The following ADAMTS13 variants were observed in gnomAD, a reference collection of about 807,000 sequenced individuals.
The protein encoded by ADAMTS13 is ADAM metallopeptidase with thrombospondin type 1 motif 13.
A neutral mutation model predicts 155.1 loss-of-function variants in ADAMTS13; 110 were observed. The observed-to-expected ratio is 0.71, with a 90% confidence interval of 0.61 to 0.83. The LOEUF is 0.83. ADAMTS13 is among the 40% of genes least tolerant of loss of function. The probability of loss-of-function intolerance (pLI) is 0.00; values close to 1 mark genes in which losing one functional copy is unlikely to be tolerated. For synonymous variants in ADAMTS13, 758 were observed against 756.4 expected (o/e 1.00, Z -0.03); for missense variants, 1,707 against 1,891.7 (o/e 0.90, Z 1.81).
At chr9:133,443,332 CCTGGGACCTGGCCAGG>C (rs962951546) in intron 18 of ADAMTS13, 28 bp from the exon 19 acceptor site, 1 of 1,563,044 alleles carries the variant, frequency 6.4e-7, no homozygotes, top group African/African-American at 1.3e-5. Context: ...CCCAGGCCAG[CCTGGGACCTGGCCAGG>C]GTCCCGACGC....
At chr9:133,420,729 T>C (rs1588147388), upstream of ADAMTS13, among the ~76,000 whole-genome samples, 1 of 152,146 alleles carries the variant, frequency 6.6e-6, no homozygotes, top group South Asian at 2.1e-4. Flanking sequence ...GGCTGCTAGG[T>C]CCTACTTTGA....
At chr9:133,446,408 AC>A (rs1232951615) in intron 21 of ADAMTS13, among the ~76,000 whole-genome samples, 1 of 152,044 alleles carries the variant, frequency 6.6e-6, no homozygotes, top group Non-Finnish European at 1.5e-5. Context: ...AATTCTAGGG[AC>A]CTTGTAGAAG....
At chr9:133,428,512 A>G (rs1840433595) in intron 6 of ADAMTS13, 122 bp from the exon 7 acceptor site, 2 of 560,738 alleles carry the variant, frequency 3.6e-6, no homozygotes, top group African/African-American at 2.0e-5. Flanking sequence ...CCCGGGTCGG[A>G]AAACTCGCTG....
chr9:133,445,872 T>C lies in ADAMTS13; in HGVS notation c.2731+53T>C. ...ACCAGCACTCATGGTAACTCTCCTG[T>C]CCACTTGCATCTTGCCTCGTTCTGA... On this transcript the variant is annotated intron_variant, in intron 21 of 28. Transcript: ENST00000355699. The surrounding 1 kb of genome is among the most constrained non-coding windows in gnomAD (Gnocchi z 5.0). The C allele has an allele frequency of 6.6e-7, 1 of 1,515,686 alleles. No homozygotes were observed. The highest frequency in any genetic ancestry group is 1.3e-5 in the South Asian group (1 of 76,122). 93.9% of individuals were successfully genotyped at this position (1,515,686 alleles called of 1,614,324 possible). A position where few individuals can be genotyped will look rare whatever the true frequency, so the allele number is the denominator to read the frequency against.
intron 1 of ADAMTS13, chr9:133,414,800 C>A (rs377306235): frequency 3.7e-6 from 6 of 1,614,042 alleles, no homozygotes; most frequent in Admixed American, 1.7e-5. Context: ...GGCCTTGGTG[C>A]GAGGTACTGG....
intron 22 of ADAMTS13, among the ~76,000 whole-genome samples, 181 bp downstream of exon 22, chr9:133,448,909 C>T (rs1842249903): frequency 6.6e-6 from 1 of 152,226 alleles, no homozygotes. Flanking sequence ...AGAGCCCCGG[C>T]CCAGCCCCTT....
intron 22 of ADAMTS13, among the ~76,000 whole-genome samples, chr9:133,448,987 G>A (rs1482622743): frequency 1.3e-5 from 2 of 152,176 alleles, no homozygotes; most frequent in African/African-American, 4.8e-5. Flanking sequence ...GGGGTGCTAG[G>A]TCTGCATCCT....
In ADAMTS13 at chr9:133,433,365, C is replaced by T. The variant is rs1840917533; in HGVS notation, c.1093-13C>T. 1 of 1,612,424 alleles carries T rather than the reference C, an allele frequency of 6.2e-7. No homozygotes were observed. The highest frequency in any genetic ancestry group is 8.5e-7 in the Non-Finnish European group (1 of 1,179,918). ...ACTGTGGGATGGGAGATGAAGCCAT[C>T]CTTGCCTTGCAGTGGTGCTCCAAGG... On this transcript the variant is annotated splice_polypyrimidine_tract_variant and intron_variant, in intron 9 of 28. Coordinates refer to ENST00000355699, the MANE Select transcript of ADAMTS13 (RefSeq NM_139027.6).
chr9:133,420,134 C>G (rs1839897768), upstream of ADAMTS13, among the ~76,000 whole-genome samples: 1 of 152,324 alleles, frequency 6.6e-6, no homozygotes, highest in East Asian at 1.9e-4. Context: ...GATCTCCAGA[C>G]ATCAGGTGAT....
chr9:133,430,770 C>G (rs28503755), intron 8 of ADAMTS13, among the ~76,000 whole-genome samples: 17,632 of 150,348 alleles, frequency 0.12, 1,658 homozygotes, highest in East Asian at 0.39. Flanking sequence ...ACACCATTCT[C>G]CTGCCTCAGC....
chr9:133,436,984 G>A, intron 12 of ADAMTS13, 29 bp downstream of exon 12: 1 of 1,587,616 alleles, frequency 6.3e-7, no homozygotes, highest in South Asian at 1.1e-5. Flanking sequence ...GGGGTTGGGG[G>A]AGGAGCCAGC....
At chr9:133,448,162 G>A (rs1303050277) in intron 21 of ADAMTS13, among the ~76,000 whole-genome samples, 3 of 151,718 alleles carry the variant, frequency 2.0e-5, no homozygotes, top group Admixed American at 6.6e-5. Flanking sequence ...GCTAATTTTT[G>A]TATTTTTAGT....
intron 14 of ADAMTS13, 114 bp from the exon 15 acceptor site, chr9:133,439,252 G>A: frequency 1.2e-6 from 1 of 842,076 alleles, no homozygotes; most frequent in Non-Finnish European, 2.1e-6. Flanking sequence ...ACTGCTGCTG[G>A]AGCCAGCCCC....
intron 15 of ADAMTS13, among the ~76,000 whole-genome samples, chr9:133,439,903 T>C (rs1554790193): frequency 6.6e-6 from 1 of 152,186 alleles, no homozygotes; most frequent in Non-Finnish European, 1.5e-5. Context: ...CTAAATCACA[T>C]AGTTGGTCTT....
At chr9:133,423,286 G>A in intron 2 of ADAMTS13, 119 bp downstream of exon 2, 1 of 964,330 alleles carries the variant, frequency 1.0e-6, no homozygotes. Flanking sequence ...GGTCAGAGAA[G>A]CTGCTGTCAA....
chr9:133,452,934 G>T (rs1396827030), intron 23 of ADAMTS13, among the ~76,000 whole-genome samples: 1 of 152,160 alleles, frequency 6.6e-6, no homozygotes, highest in East Asian at 1.9e-4. Context: ...ATATCCTCGA[G>T]GCCCTGGATA....
At chr9:133,417,995 C>T, upstream of ADAMTS13, 1 of 694,368 alleles carries the variant, frequency 1.4e-6, no homozygotes. Context: ...GAAGAGACCC[C>T]GCACGCGTTG....
At chr9:133,415,133 A>G in intron 1 of ADAMTS13, 1 of 729,924 alleles carries the variant, frequency 1.4e-6, no homozygotes, top group South Asian at 2.1e-5. Flanking sequence ...TACAATTCCC[A>G]TCCGCATCAC....
rs1176934727 is a variant in ADAMTS13, at chr9:133,455,188, CA to C, written c.3250-95del. ...ACACTTAACTGCCTCCCAGCTTGTA[CA>C]AGGATTATATTGGATCACTCCTGGC... On this transcript the variant is annotated intron_variant, in intron 24 of 28. Coordinates refer to ENST00000355699, the MANE Select transcript of ADAMTS13 (RefSeq NM_139027.6). 237 of 1,369,394 alleles carry C rather than the reference CA, an allele frequency of 1.7e-4. 1 individual carries two copies. The East Asian group carries it at 5.4e-3, about 31-fold the overall frequency. The allele number at this position is 1,369,394 out of a possible 1,614,324, so 84.8% of individuals were successfully genotyped here.
Sources: allele counts gnomAD v4.1 joint callset (sites outside exome capture counted in the v4.1 genomes callset), GRCh38; gene constraint gnomAD v4.1.1; non-coding constraint Gnocchi (gnomAD v3.1); transcripts MANE v1.5; gene names NCBI Gene and HGNC (gene_info 2026-07-23, HGNC 2026-07-21).